Variants in NELL1 observed in about 807,000 individuals in gnomAD.
The protein encoded by NELL1 is neural EGFL like 1, also known as protein kinase C-binding protein NELL1.
NELL1 carries 76 observed loss-of-function variants against 107.4 expected under a neutral mutation model. That is an observed-to-expected ratio of 0.71 (90% confidence interval 0.59 to 0.86). NELL1 has a LOEUF of 0.86. Among genes scored for constraint, NELL1 ranks in the 40% least tolerant of loss-of-function variants. The pLI is 0.00. For synonymous variants in NELL1, 353 were observed against 341.2 expected (o/e 1.03, Z -0.38); for missense variants, 1,024 against 1,005.5 (o/e 1.02, Z -0.25).
intron 14 of NELL1, among the ~76,000 whole-genome samples, chr11:21,273,958 G>A (rs544347678): frequency 1.2e-3 from 185 of 152,292 alleles, no homozygotes; most frequent in African/African-American, 4.3e-3. Flanking sequence ...ATGCCAAATT[G>A]TAAAGACTAT....
At chr11:20,692,251 A>G (rs1854487418) in intron 2 of NELL1, among the ~76,000 whole-genome samples, 2 of 147,110 alleles carry the variant, frequency 1.4e-5, no homozygotes, top group Non-Finnish European at 3.0e-5. Context: ...GGATTCATTA[A>G]TTTTTTGAAG....
chr11:20,925,420 A>G (rs1193915212), intron 7 of NELL1, among the ~76,000 whole-genome samples: 1 of 147,092 alleles, frequency 6.8e-6, no homozygotes, highest in Non-Finnish European at 1.5e-5. Context: ...AGCTGGTGGT[A>G]CCCGCTACCA....
At chr11:21,058,422 A>G (rs1853661387) in intron 12 of NELL1, among the ~76,000 whole-genome samples, 1 of 152,264 alleles carries the variant, frequency 6.6e-6, no homozygotes, top group South Asian at 2.1e-4. Context: ...GCTTGTTTAA[A>G]TTAAATCGTT....
intron 12 of NELL1, among the ~76,000 whole-genome samples, chr11:20,988,806 C>G (rs1851909373): frequency 6.6e-6 from 1 of 151,778 alleles, no homozygotes; most frequent in South Asian, 2.1e-4. Context: ...CCAGGATGGT[C>G]TCGATCTCCT....
chr11:21,356,948 C>T (rs1850947613), intron 14 of NELL1, among the ~76,000 whole-genome samples: 1 of 152,230 alleles, frequency 6.6e-6, no homozygotes, highest in Admixed American at 6.5e-5. Context: ...ATAATGGTCT[C>T]CAACTCCATG....
chr11:21,033,067 G>A (rs544431138), intron 12 of NELL1, among the ~76,000 whole-genome samples: 1 of 151,986 alleles, frequency 6.6e-6, no homozygotes, highest in Non-Finnish European at 1.5e-5. Context: ...GGCTCTCTTG[G>A]TGTGAAGTCT....
At chr11:21,170,153 T>C in intron 13 of NELL1, 1 of 655,240 alleles carries the variant, frequency 1.5e-6, no homozygotes, top group South Asian at 1.8e-5. Flanking sequence ...CTTCAATACA[T>C]GACTGGGATG....
chr11:21,322,449 G>C (rs1335543408), intron 14 of NELL1, among the ~76,000 whole-genome samples: 2 of 152,114 alleles, frequency 1.3e-5, no homozygotes, highest in African/African-American at 4.8e-5. Context: ...TCCTACAAGA[G>C]TAGATTTTAA....
At chr11:20,924,595 T>C (rs1019450486) in intron 7 of NELL1, among the ~76,000 whole-genome samples, 1 of 152,190 alleles carries the variant, frequency 6.6e-6, no homozygotes. Flanking sequence ...CAGATAGATA[T>C]AGAGTTGCCT....
chr11:20,792,652 G>T (rs1190651903), intron 3 of NELL1, among the ~76,000 whole-genome samples: 2 of 151,794 alleles, frequency 1.3e-5, no homozygotes, highest in Non-Finnish European at 2.9e-5. Context: ...ATTAACATAA[G>T]TAATTACATT....
chr11:21,133,340 G>A (rs1335792889), intron 13 of NELL1, among the ~76,000 whole-genome samples: 1 of 152,118 alleles, frequency 6.6e-6, no homozygotes, highest in Non-Finnish European at 1.5e-5. Flanking sequence ...ATTCCAGTTG[G>A]CAGAACTGAC....
chr11:21,508,729 T>C (rs886735926), intron 15 of NELL1, among the ~76,000 whole-genome samples: 1 of 151,984 alleles, frequency 6.6e-6, no homozygotes, highest in African/African-American at 2.4e-5. Flanking sequence ...TGTTTAATGA[T>C]ATAAGAACAA....
At chr11:20,937,951 G>T (rs1850762279) in intron 10 of NELL1, 92 bp downstream of exon 10, 4 of 1,216,022 alleles carry the variant, frequency 3.3e-6, no homozygotes, top group Non-Finnish European at 4.9e-6. Flanking sequence ...GGGCATATTG[G>T]CCTGGATAGG....
intron 2 of NELL1, among the ~76,000 whole-genome samples, chr11:20,730,311 C>G (rs1385470095): frequency 6.6e-6 from 1 of 152,092 alleles, no homozygotes; most frequent in Non-Finnish European, 1.5e-5. Context: ...CATGGAGAAG[C>G]ATCAGTGAGC....
At chr11:20,826,828 T>C (rs569820535) in intron 3 of NELL1, among the ~76,000 whole-genome samples, 17 of 151,262 alleles carry the variant, frequency 1.1e-4, no homozygotes, top group African/African-American at 4.1e-4. Flanking sequence ...GACCTTTGCA[T>C]GGAGGAGTGA....
intron 12 of NELL1, among the ~76,000 whole-genome samples, chr11:20,995,532 C>T (rs577042376): frequency 6.6e-5 from 10 of 152,000 alleles, no homozygotes; most frequent in Non-Finnish European, 1.2e-4. Flanking sequence ...GAGCAGAGAT[C>T]GCACCACTGC....
chr11:21,229,207 T>A, intron 13 of NELL1, 125 bp from the exon 14 acceptor site: 2 of 1,023,656 alleles, frequency 2.0e-6, no homozygotes, highest in Non-Finnish European at 2.9e-6. Flanking sequence ...TTTAGGCGCA[T>A]AGTAAGGTAC....
chr11:21,225,553 G>GTATTCTTCC (rs1260602404), intron 13 of NELL1, among the ~76,000 whole-genome samples: 1 of 152,116 alleles, frequency 6.6e-6, no homozygotes, highest in African/African-American at 2.4e-5. Flanking sequence ...CTGAATCCCA[G>GTATTCTTCC]TATTCTTCCT....
intron 2 of NELL1, among the ~76,000 whole-genome samples, chr11:20,689,418 A>G (rs1854394393): frequency 1.4e-5 from 2 of 141,454 alleles, no homozygotes; most frequent in Admixed American, 7.0e-5. Flanking sequence ...CATATCTCCT[A>G]ATGCTATCCC....
Sources: allele counts gnomAD v4.1 joint callset (sites outside exome capture counted in the v4.1 genomes callset), GRCh38; gene constraint gnomAD v4.1.1; transcripts MANE v1.5; gene names NCBI Gene and HGNC (gene_info 2026-07-23, HGNC 2026-07-21).